Variants in THSD4 observed in about 807,000 individuals in gnomAD.
THSD4 encodes thrombospondin type 1 domain containing 4.
A neutral mutation model predicts 119.0 loss-of-function variants in THSD4; 69 were observed. The ratio of observed to expected loss-of-function variants is 0.58; its 90% CI spans 0.48 to 0.71. The LOEUF (loss-of-function observed/expected upper bound fraction) is 0.71. THSD4 is among the 30% of genes least tolerant of loss of function. THSD4 has a pLI of 0.00. For missense variants in THSD4, 1,393 were observed against 1,391.1 expected (o/e 1.00, Z -0.02); for synonymous variants, 524 against 540.4 (o/e 0.97, Z 0.42).
chr15:71,345,340 T>A (rs2045640594), intron 6 of THSD4, among the ~76,000 whole-genome samples: 1 of 151,320 alleles, frequency 6.6e-6, no homozygotes, highest in Non-Finnish European at 1.5e-5. Flanking sequence ...TAGGAGGGAG[T>A]CTGATACAGG....
At chr15:71,647,533 T>C (rs1265222275) in intron 7 of THSD4, among the ~76,000 whole-genome samples, 1 of 152,224 alleles carries the variant, frequency 6.6e-6, no homozygotes, top group Non-Finnish European at 1.5e-5. Context: ...GAAGAGAGAA[T>C]AATAAGGAAT....
Position 71,592,915 on chromosome 15 carries a change from C to T in THSD4, c.1153-67615C>T, listed in dbSNP as rs546003863. Among the ~76,000 whole-genome samples the T allele has an allele frequency of 5.3e-5, 8 of 152,190 alleles. No homozygotes were observed. In the East Asian group the frequency reaches 1.6e-3, roughly 30 times the overall value. ...TTCCAGCTTAGTTCTGTGAGGTCAG[C>T]AGGAGCATCTTTGTTTTAATGCAGA... On this transcript the variant is annotated intron_variant, in intron 7 of 17. Transcript: ENST00000261862.
chr15:71,592,620 GGATTCACTTTTATA>G (rs2049828398), intron 7 of THSD4, among the ~76,000 whole-genome samples: 1 of 151,812 alleles, frequency 6.6e-6, no homozygotes, highest in South Asian at 2.1e-4. Flanking sequence ...ACTGTGGGCT[GGATTCACTTTTATA>G]GATAGGTCTG....
chr15:71,165,962 G>A (rs2043291227), intron 3 of THSD4, among the ~76,000 whole-genome samples: 2 of 152,114 alleles, frequency 1.3e-5, no homozygotes, highest in Non-Finnish European at 1.5e-5. Flanking sequence ...TGGTTATGTG[G>A]TGCTCTCTCT....
At position 71,326,700 on chromosome 15, in the gene THSD4, A is replaced by AATAT. The variant is rs71154759; in HGVS notation, c.1015+70008_1015+70011dup. 9.6e-3 allele frequency among the ~76,000 whole-genome samples: 62 copies of AATAT among 6,456 alleles called. 7 individuals carry two copies. Among genetic ancestry groups the AATAT allele is most frequent in the Middle Eastern group, 0.25 (2 of 8 alleles). The allele number at this position is 6,456 out of a possible 152,430, so 4.2% of individuals were successfully genotyped here. ...AAAAAAAAAAAAAAAAAAAAAAAAA[A>AATAT]ATATATATATATATATATATATATA... On this transcript the variant is annotated intron_variant, in intron 6 of 17. Coordinates refer to ENST00000261862, the MANE Select transcript of THSD4 (RefSeq NM_024817.3).
intron 3 of THSD4, among the ~76,000 whole-genome samples, chr15:71,180,651 C>G (rs1279311671): frequency 6.6e-6 from 1 of 152,102 alleles, no homozygotes; most frequent in African/African-American, 2.4e-5. Flanking sequence ...ATTATATTGA[C>G]AATAAGAAGC....
At chr15:71,765,435 T>C (rs1287328288) in intron 16 of THSD4, among the ~76,000 whole-genome samples, 1 of 152,202 alleles carries the variant, frequency 6.6e-6, no homozygotes, top group Admixed American at 6.5e-5. Context: ...CACACTTCAG[T>C]GTGCATAGGA....
intron 7 of THSD4, among the ~76,000 whole-genome samples, chr15:71,480,847 T>G (rs928624404): frequency 6.6e-6 from 1 of 152,204 alleles, no homozygotes; most frequent in Non-Finnish European, 1.5e-5. Context: ...TAAAATATTT[T>G]CAAACACTCA....
In THSD4 at chr15:71,256,627, C is replaced by T; in HGVS notation, c.927C>T (p.Ser309=). ...TGCTTTATTAGGTATGTCCAGAAAG[C>T]AGTAGAAGTATCCGGGAGGTACAGT... ...KLCNTNVCPE[S]SRSIREVQCA... Residue 309 remains serine, a synonymous_variant, in exon 6 of 18, where the codon AGC becomes AGT. Transcript: ENST00000261862. 2 of 1,613,884 alleles carry T rather than the reference C, an allele frequency of 1.2e-6. No homozygotes were observed. Among genetic ancestry groups the T allele is most frequent in the Non-Finnish European group, 1.7e-6 (2 of 1,179,916 alleles).
intron 8 of THSD4, among the ~76,000 whole-genome samples, chr15:71,724,287 A>ATATATATATATATATATATATATATATTT: frequency 1.0e-3 from 38 of 37,176 alleles, no homozygotes; most frequent in East Asian, 1.8e-3. Context: ...ATATATATAT[A>ATATATATATATATATATATATATATATTT]TTTTTTTTTT....
At chr15:71,548,802 C>T (rs1182539529) in intron 7 of THSD4, among the ~76,000 whole-genome samples, 4 of 152,154 alleles carry the variant, frequency 2.6e-5, no homozygotes, top group Non-Finnish European at 2.9e-5. Context: ...CCTCACTCAG[C>T]CTGGAGCATT....
At chr15:71,677,322 A>C (rs1445946811) in intron 8 of THSD4, among the ~76,000 whole-genome samples, 1 of 152,160 alleles carries the variant, frequency 6.6e-6, no homozygotes, top group Admixed American at 6.5e-5. Context: ...ATCATTGAGT[A>C]TTTGTTTTTT....
chr15:71,442,656 G>GTGTGTGTATGTATGTATGTATA, intron 7 of THSD4, among the ~76,000 whole-genome samples: 1 of 30,640 alleles, frequency 3.3e-5, no homozygotes, highest in African/African-American at 9.2e-5. Flanking sequence ...GTGTGTGTGT[G>GTGTGTGTATGTATGTATGTATA]TGTGTATATA....
At chr15:71,111,433 G>A, upstream of THSD4, 1 of 1,594,030 alleles carries the variant, frequency 6.3e-7, no homozygotes, top group African/African-American at 1.3e-5. Context: ...GTTCCTGGAG[G>A]AGGAAGAAAA....
chr15:71,682,603 A>T (rs2051806945), intron 8 of THSD4, among the ~76,000 whole-genome samples: 1 of 148,278 alleles, frequency 6.7e-6, no homozygotes, highest in Non-Finnish European at 1.5e-5. Flanking sequence ...CATTTTTAAC[A>T]TTTACCTTGG....
At chr15:71,360,574 G>A (rs964917979) in intron 6 of THSD4, among the ~76,000 whole-genome samples, 7 of 152,088 alleles carry the variant, frequency 4.6e-5, no homozygotes, top group African/African-American at 4.8e-5. Context: ...GTTCTTTTGC[G>A]CATCATTTTG....
intron 6 of THSD4, among the ~76,000 whole-genome samples, chr15:71,297,759 C>T (rs983974577): frequency 3.9e-5 from 6 of 152,182 alleles, no homozygotes; most frequent in African/African-American, 7.2e-5. Context: ...CAGCTGCACA[C>T]GACTGCACCC....
At chr15:71,752,686 T>G (rs1477164394) in intron 14 of THSD4, among the ~76,000 whole-genome samples, 1 of 152,234 alleles carries the variant, frequency 6.6e-6, no homozygotes, top group Non-Finnish European at 1.5e-5. Flanking sequence ...TTTTTTCAAC[T>G]GTAACATTGC....
At chr15:71,484,489 G>A (rs2047784519) in intron 7 of THSD4, among the ~76,000 whole-genome samples, 1 of 152,198 alleles carries the variant, frequency 6.6e-6, no homozygotes, top group South Asian at 2.1e-4. Flanking sequence ...AACCAAACCT[G>A]TCCTGTCCTG....
Sources: allele counts gnomAD v4.1 joint callset (sites outside exome capture counted in the v4.1 genomes callset), GRCh38; gene constraint gnomAD v4.1.1; transcripts MANE v1.5; gene names NCBI Gene and HGNC (gene_info 2026-07-23, HGNC 2026-07-21).